Variants in UGGT2 observed in about 807,000 individuals in gnomAD.
UGGT2 encodes UDP-glucose:glycoprotein glucosyltransferase 2.
Under a neutral mutation model 192.1 loss-of-function variants are expected in UGGT2, and 180 were observed. The ratio of observed to expected loss-of-function variants is 0.94; its 90% CI spans 0.83 to 1.06. UGGT2 has a LOEUF of 1.06. UGGT2 is among the 50% of genes least tolerant of loss of function. The pLI is 0.00. For missense variants in UGGT2, 1,849 were observed against 1,795.7 expected (o/e 1.03, Z -0.54); for synonymous variants, 580 against 591.0 (o/e 0.98, Z 0.27).
intron 21 of UGGT2, 139 bp downstream of exon 21, chr13:95,902,715 T>A (rs2048143305): frequency 1.2e-6 from 1 of 830,474 alleles, no homozygotes; most frequent in East Asian, 2.7e-5. Context: ...ATGTTTATCT[T>A]TTCCCATTTG....
intron 29 of UGGT2, among the ~76,000 whole-genome samples, chr13:95,875,499 A>G (rs1463265768): frequency 6.6e-6 from 1 of 152,204 alleles, no homozygotes; most frequent in Non-Finnish European, 1.5e-5. Flanking sequence ...GCTGGGATAT[A>G]CGTCATAATA....
chr13:95,802,982 C>T (rs1342812349), intron 38 of UGGT2, among the ~76,000 whole-genome samples: 3 of 151,838 alleles, frequency 2.0e-5, no homozygotes, highest in African/African-American at 4.8e-5. Flanking sequence ...TACAGGCGCC[C>T]GCCACCACGC....
intron 38 of UGGT2, among the ~76,000 whole-genome samples, chr13:95,817,160 TG>T (rs1387564994): frequency 6.6e-6 from 1 of 152,112 alleles, no homozygotes; most frequent in Non-Finnish European, 1.5e-5. Context: ...AGCTTAAAAT[TG>T]GTGAATCTTA....
chr13:95,929,936 C>T (rs781260007), intron 17 of UGGT2, among the ~76,000 whole-genome samples: 10 of 152,174 alleles, frequency 6.6e-5, no homozygotes, highest in Non-Finnish European at 1.2e-4. Context: ...TCCTCAGCCT[C>T]ACCAGCATCT....
intron 36 of UGGT2, among the ~76,000 whole-genome samples, chr13:95,842,787 C>T (rs866292879): frequency 2.0e-5 from 3 of 152,176 alleles, no homozygotes; most frequent in African/African-American, 4.8e-5. Flanking sequence ...TTAGACTTTC[C>T]GTATAATAGC....
At chr13:95,831,238 G>T (rs1279095588) in intron 38 of UGGT2, among the ~76,000 whole-genome samples, 8 of 151,932 alleles carry the variant, frequency 5.3e-5, no homozygotes, top group African/African-American at 1.9e-4. Context: ...TAACAAACCT[G>T]CACATTGTGC....
intron 10 of UGGT2, among the ~76,000 whole-genome samples, chr13:95,981,725 C>T (rs1044744469): frequency 1.3e-5 from 2 of 152,174 alleles, no homozygotes; most frequent in African/African-American, 4.8e-5. Flanking sequence ...GTAACAGAAA[C>T]ACATTTCCAG....
At chr13:95,856,573 G>A in intron 33 of UGGT2, 1 of 491,738 alleles carries the variant, frequency 2.0e-6, no homozygotes, top group Non-Finnish European at 3.6e-6. Context: ...TTAAAAATAA[G>A]TGCACTATAT....
chr13:95,921,669 A>G (rs1218915088), intron 20 of UGGT2, among the ~76,000 whole-genome samples: 1 of 152,174 alleles, frequency 6.6e-6, no homozygotes, highest in Non-Finnish European at 1.5e-5. Context: ...GCCAACAAAC[A>G]TGAAAAAATG....
At chr13:95,895,046 T>C in intron 23 of UGGT2, 134 bp downstream of exon 23, 1 of 892,272 alleles carries the variant, frequency 1.1e-6, no homozygotes, top group Non-Finnish European at 1.6e-6. Flanking sequence ...TTTTATTATT[T>C]GCTTATATTC....
chr13:95,807,735 T>TTTTTTTTTTTTTTTTTTTTTTTTC (rs1884385927), intron 38 of UGGT2, among the ~76,000 whole-genome samples: 1 of 145,472 alleles, frequency 6.9e-6, no homozygotes, highest in African/African-American at 2.5e-5. Flanking sequence ...TTTTTTTTTT[T>TTTTTTTTTTTTTTTTTTTTTTTTC]GCCGTATTCA....
At chr13:95,860,651 T>G in intron 32 of UGGT2, 137 bp downstream of exon 32, 8 of 447,714 alleles carry the variant, frequency 1.8e-5, no homozygotes, top group Non-Finnish European at 3.1e-5. Context: ...GGGTTTCCTG[T>G]GAGAAAAGGA....
rs760204523 is a variant in UGGT2 at position 95,884,084 on chromosome 13, A to AAAAAAC, written c.3228+406_3228+407insGTTTTT. On this transcript the variant is annotated intron_variant, in intron 27 of 38. Coordinates refer to ENST00000376747, the MANE Select transcript of UGGT2 (RefSeq NM_020121.4). ...TGAGGCCAAAAAAAAAAAAAAAAAA[A>AAAAAAC]AACCAACAACAACAAAACAATTTTG... is the stretch of plus-strand genomic sequence containing the variant. 5.8e-3 allele frequency among the ~76,000 whole-genome samples: 759 copies of AAAAAAC among 131,728 alleles called. 15 individuals are homozygous for AAAAAAC. In the East Asian group the frequency reaches 0.061, roughly 11 times the overall value. The allele number at this position is 131,728 out of a possible 152,430, so 86.4% of individuals were successfully genotyped here. A position where few individuals can be genotyped will look rare whatever the true frequency, so the allele number is the denominator to read the frequency against.
chr13:95,860,872 CT>C lies in UGGT2; in HGVS notation c.3655del (p.Ser1219AlafsTer13). 6.4e-6 allele frequency: 10 copies of C among 1,557,080 alleles called. No homozygotes were observed. The highest frequency in any genetic ancestry group is 8.7e-6 in the Non-Finnish European group (10 of 1,152,974). On this transcript the variant is annotated frameshift_variant, in exon 32 of 39. Coordinates refer to ENST00000376747, the MANE Select transcript of UGGT2 (RefSeq NM_020121.4). LOFTEE classifies it high-confidence loss of function. ...TTCCTTTTTGTTTTCTTTATGCAAG[CT>C]TACTGTGAAACTTGGAATAAAAAAG... ...LWDSIKSFTV[S>X]LHKENKKEKD...
chr13:96,036,818 G>A (rs2053017825), intron 1 of UGGT2, among the ~76,000 whole-genome samples: 1 of 152,108 alleles, frequency 6.6e-6, no homozygotes, highest in Admixed American at 6.5e-5. Flanking sequence ...GGAGTGCAGT[G>A]GTGCAAACAT....
chr13:95,910,379 A>G (rs1348310437), intron 20 of UGGT2, among the ~76,000 whole-genome samples: 7 of 152,148 alleles, frequency 4.6e-5, no homozygotes, highest in Non-Finnish European at 1.0e-4. Flanking sequence ...AGGCTCAAAT[A>G]AAGGGATGGA....
intron 20 of UGGT2, among the ~76,000 whole-genome samples, chr13:95,918,339 A>G (rs2048742530): frequency 6.6e-6 from 1 of 152,234 alleles, no homozygotes; most frequent in South Asian, 2.1e-4. Flanking sequence ...TAATGAGAAC[A>G]AAGAGACAAT....
In UGGT2 at chr13:95,884,622, G is replaced by A. The variant is rs762502190; in HGVS notation, c.3097C>T (p.Leu1033Phe). The A allele has an allele frequency of 8.7e-6, 14 of 1,613,918 alleles. No homozygotes were observed. In the South Asian group the frequency reaches 1.2e-4, roughly 14 times the overall value. ...LMSGANDVSSLGPVAKFLDIP... is the reference protein window; with the variant it reads ...LMSGANDVSSFGPVAKFLDIP... ...TCCAAAAATTTTGCCACTGGTCCAA[G>A]AGAAGAAACGTCATTAGCCCCTGAC... Residue 1033 changes from leucine (L) to phenylalanine (F), a missense_variant, in exon 27 of 39, where the codon CTT becomes TTT. Physicochemically the swap from Leu to Phe is conservative, Grantham distance 22. Coordinates refer to ENST00000376747, the MANE Select transcript of UGGT2 (RefSeq NM_020121.4).
At chr13:95,909,221 T>C (rs2048394130) in intron 20 of UGGT2, among the ~76,000 whole-genome samples, 1 of 152,154 alleles carries the variant, frequency 6.6e-6, no homozygotes, top group African/African-American at 2.4e-5. Flanking sequence ...TCCCCATTGC[T>C]TGTCATTTGA....
Sources: allele counts gnomAD v4.1 joint callset (sites outside exome capture counted in the v4.1 genomes callset), GRCh38; gene constraint gnomAD v4.1.1; transcripts MANE v1.5; gene names NCBI Gene and HGNC (gene_info 2026-07-23, HGNC 2026-07-21).